Variants in SLC13A1 observed in about 807,000 individuals in gnomAD.
SLC13A1 encodes solute carrier family 13 member 1, also known as Na(+)/sulfate cotransporter.
A neutral mutation model predicts 70.0 loss-of-function variants in SLC13A1; 65 were observed. The observed-to-expected ratio is 0.93, with a 90% confidence interval of 0.76 to 1.14. SLC13A1 has a LOEUF of 1.14. SLC13A1 is among the 50% of genes most tolerant of loss of function. SLC13A1 has a pLI of 0.00. For missense variants in SLC13A1, 726 were observed against 717.8 expected, an observed-to-expected ratio of 1.01 and a Z score of -0.13; for synonymous variants, 275 against 250.5, an observed-to-expected ratio of 1.10 and a Z score of -0.92.
At chr7:123,165,257 C>CA (rs1437004589) in intron 6 of SLC13A1, among the ~76,000 whole-genome samples, 2 of 151,986 alleles carry the variant, frequency 1.3e-5, no homozygotes, top group African/African-American at 4.8e-5. Flanking sequence ...TTTAGTGCAG[C>CA]AAAAAACTAT....
At chr7:123,156,044 T>G (rs550278616) in intron 6 of SLC13A1, among the ~76,000 whole-genome samples, 1 of 151,908 alleles carries the variant, frequency 6.6e-6, no homozygotes, top group East Asian at 1.9e-4. Flanking sequence ...TTTAACTGCT[T>G]CACAAGCAAT....
In SLC13A1 at chr7:123,181,740, C is replaced by A. The variant is rs553049254; in HGVS notation, c.100-639G>T. Among the ~76,000 whole-genome samples the A allele has an allele frequency of 3.3e-5, 5 of 152,194 alleles. No homozygotes were observed. The East Asian group carries it at 9.7e-4, about 29-fold the overall frequency. ...TTTTAGGGCATTGTTAAGAGATGGT[C>A]AAAATTTATCATTATATTTAACTTA... is the stretch of plus-strand genomic sequence containing the variant. On this transcript the variant is annotated intron_variant, in intron 1 of 14. Transcript: ENST00000194130.
At chr7:123,152,060 A>G (rs902539613) in intron 6 of SLC13A1, among the ~76,000 whole-genome samples, 1 of 152,104 alleles carries the variant, frequency 6.6e-6, no homozygotes, top group African/African-American at 2.4e-5. Flanking sequence ...AAATGTAGTT[A>G]AGGAATATAT....
chr7:123,183,999 C>A (rs1385713792), intron 1 of SLC13A1, among the ~76,000 whole-genome samples: 1 of 151,600 alleles, frequency 6.6e-6, no homozygotes, highest in African/African-American at 2.4e-5. Flanking sequence ...AGCTAAGGCA[C>A]CATATCTGCA....
At chr7:123,184,182 T>G (rs180750904) in intron 1 of SLC13A1, among the ~76,000 whole-genome samples, 2 of 152,154 alleles carry the variant, frequency 1.3e-5, no homozygotes, top group Non-Finnish European at 2.9e-5. Flanking sequence ...GTATTTATCA[T>G]GTACAACATG....
chr7:123,137,185 A>G (rs915025393), intron 7 of SLC13A1, among the ~76,000 whole-genome samples: 4 of 142,706 alleles, frequency 2.8e-5, no homozygotes, highest in African/African-American at 9.8e-5. Flanking sequence ...TGAAGGCAAC[A>G]AGAGTGGAAA....
Position 123,128,924 on chromosome 7 carries a change from C to T in SLC13A1, c.1054G>A (p.Val352Ile). 6.2e-7 allele frequency: 1 copy of T among 1,613,110 alleles called. No homozygotes were observed. The highest frequency in any genetic ancestry group is 8.5e-7 in the Non-Finnish European group (1 of 1,179,400). Reference protein sequence around the residue: ...PIRYQEIVTLVLFIIMALLWF... With the variant: ...PIRYQEIVTLILFIIMALLWF... ...AGCAGAGCCATTATAATGAAGAGGA[C>T]CAAGGTCACAATTTCTTGATACCTG... Residue 352 changes from valine to isoleucine, a missense_variant, in exon 10 of 15, where the codon GTC becomes ATC. Physicochemically the swap from Val to Ile is conservative, Grantham distance 29 (BLOSUM62 3). Transcript: ENST00000194130.
At chr7:123,163,206 AATAT>A (rs1372542681) in intron 6 of SLC13A1, among the ~76,000 whole-genome samples, 24 of 152,152 alleles carry the variant, frequency 1.6e-4, no homozygotes, top group African/African-American at 5.8e-4. Context: ...GAACCTGACA[AATAT>A]ATTTCCTCAG....
chr7:123,169,309 G>A lies in SLC13A1; in HGVS notation c.392C>T (p.Thr131Ile), dbSNP rs199847422. 7.7e-5 allele frequency: 125 copies of A among 1,613,100 alleles called. No individual in the cohort carries two copies. Among genetic ancestry groups the A allele is most frequent in the Non-Finnish European group, 9.7e-5 (115 of 1,179,978 alleles). Residue 131 changes from threonine (T) to isoleucine (I), a missense_variant, in exon 4 of 15, where the codon ACT becomes ATT. By Grantham distance (89) the Thr-to-Ile change is moderately conservative (BLOSUM62 -1). Transcript: ENST00000194130. ...AWLTLGFMSS[T>I]AFLSMWLSNT... Reference sequence around the variant, plus strand: ...GCTGAGCCACATAGACAAAAAGGCAGTGCTGCTCATGAACCCCAGCGTCAG... The same window carrying A: ...GCTGAGCCACATAGACAAAAAGGCAATGCTGCTCATGAACCCCAGCGTCAG...
chr7:123,195,180 T>C (rs1796139468), intron 1 of SLC13A1, among the ~76,000 whole-genome samples: 2 of 152,092 alleles, frequency 1.3e-5, no homozygotes, highest in Non-Finnish European at 1.5e-5. Flanking sequence ...CAAAATTGGA[T>C]TTTCTGGTTT....
chr7:123,138,115 C>A (rs1563325707), intron 7 of SLC13A1, among the ~76,000 whole-genome samples: 2 of 152,122 alleles, frequency 1.3e-5, no homozygotes, highest in African/African-American at 2.4e-5. Context: ...CTGTCTATCA[C>A]CATTAGTTCA....
chr7:123,149,917 A>T (rs1794496185), intron 6 of SLC13A1, among the ~76,000 whole-genome samples: 1 of 152,152 alleles, frequency 6.6e-6, no homozygotes. Flanking sequence ...TTCTTAAAAA[A>T]ACTCCAAACT....
At chr7:123,166,854 G>A (rs1292721477) in intron 6 of SLC13A1, among the ~76,000 whole-genome samples, 2 of 152,042 alleles carry the variant, frequency 1.3e-5, no homozygotes, top group African/African-American at 2.4e-5. Context: ...ATAAACATAC[G>A]TGTGCATCCC....
At chr7:123,158,726 G>A (rs1794790158) in intron 6 of SLC13A1, among the ~76,000 whole-genome samples, 1 of 151,794 alleles carries the variant, frequency 6.6e-6, no homozygotes, top group Admixed American at 6.6e-5. Context: ...TAATTTGACT[G>A]ATAGCTAGCT....
At chr7:123,181,707 G>A (rs956243684) in intron 1 of SLC13A1, among the ~76,000 whole-genome samples, 35 of 152,108 alleles carry the variant, frequency 2.3e-4, no homozygotes, top group African/African-American at 8.0e-4. Context: ...TAAAACTATA[G>A]GTTCATGTTT....
chr7:123,183,680 C>G (rs568975351), intron 1 of SLC13A1, among the ~76,000 whole-genome samples: 14 of 152,268 alleles, frequency 9.2e-5, no homozygotes, highest in African/African-American at 3.4e-4. Context: ...AAGCCCTTCC[C>G]CAGACACACT....
intron 1 of SLC13A1, among the ~76,000 whole-genome samples, chr7:123,195,770 G>A (rs1269606652): frequency 6.6e-6 from 1 of 151,908 alleles, no homozygotes; most frequent in Non-Finnish European, 1.5e-5. Context: ...ATTAAAATTT[G>A]GTATCGGTTT....
In SLC13A1 at chr7:123,147,196, T is replaced by C. The variant is rs889272694; in HGVS notation, c.775A>G (p.Thr259Ala). The C allele has an allele frequency of 6.2e-7, 1 of 1,613,666 alleles. No individual in the cohort carries two copies. Among genetic ancestry groups the C allele is most frequent in the African/African-American group, 1.3e-5 (1 of 75,030 alleles). ...TIGGLTTITGTSTNLIFAEYF... is the reference protein window; with the variant it reads ...TIGGLTTITGASTNLIFAEYF... ...TCTGCAAAGATCAAGTTGGTGGAGG[T>C]ACCAGTGATTGTTGTCAGTCCACCA... The change falls in exon 7 of 15, where the codon ACC becomes GCC. Residue 259 changes from threonine to alanine, a missense_variant. Coordinates refer to ENST00000194130, the MANE Select transcript of SLC13A1 (RefSeq NM_022444.4).
chr7:123,171,507 C>T (rs1795270986), intron 3 of SLC13A1, among the ~76,000 whole-genome samples: 1 of 152,134 alleles, frequency 6.6e-6, no homozygotes, highest in Admixed American at 6.5e-5. Flanking sequence ...GCTTTGACTT[C>T]TATGATGCAT....
Sources: allele counts gnomAD v4.1 joint callset (sites outside exome capture counted in the v4.1 genomes callset), GRCh38; gene constraint gnomAD v4.1.1; transcripts MANE v1.5; gene names NCBI Gene and HGNC (gene_info 2026-07-23, HGNC 2026-07-21).